Variants in PLXNC1 observed in about 807,000 individuals in gnomAD.
PLXNC1 encodes the protein plexin C1, also known as plexin-C1.
PLXNC1 carries 75 observed loss-of-function variants against 178.2 expected under a neutral mutation model. The observed-to-expected ratio is 0.42, with a 90% CI of 0.35 to 0.51. PLXNC1 has a LOEUF of 0.51. PLXNC1 is among the 20% of genes least tolerant of loss of function. The pLI is 0.02. For missense variants in PLXNC1, 1,503 were observed against 1,984.4 expected, an observed-to-expected ratio of 0.76 and a Z score of 4.61; for synonymous variants, 790 against 779.9, an observed-to-expected ratio of 1.01 and a Z score of -0.22.
At chr12:94,261,452 C>A (rs1964985603) in intron 20 of PLXNC1, among the ~76,000 whole-genome samples, 1 of 152,230 alleles carries the variant, frequency 6.6e-6, no homozygotes, top group African/African-American at 2.4e-5. Context: ...TCACCACTTA[C>A]TTGGTTTTAT....
At chr12:94,219,871 A>C in intron 5 of PLXNC1, 145 bp from the exon 6 acceptor site, 1 of 446,096 alleles carries the variant, frequency 2.2e-6, no homozygotes, top group South Asian at 6.6e-5. Flanking sequence ...TTGCTCTGTC[A>C]CCCAGAAACA....
chr12:94,203,840 A>G lies in PLXNC1; in HGVS notation c.1440-5750A>G, dbSNP rs76454565. Among the ~76,000 whole-genome samples the G allele has an allele frequency of 6.6e-5, 10 of 152,342 alleles. No individual in the cohort carries two copies. In the East Asian group the frequency reaches 1.5e-3, roughly 23 times the overall value. ...GCGTGTGTTGGGAATTTAATCCCCA[A>G]TGCAACTCTGTTGAAAGGTGGGACC... is the stretch of plus-strand genomic sequence containing the variant. On this transcript the variant is annotated intron_variant, in intron 4 of 30. Coordinates refer to ENST00000258526, the MANE Select transcript of PLXNC1 (RefSeq NM_005761.3).
chr12:94,269,714 A>G (rs1277453607), intron 21 of PLXNC1, among the ~76,000 whole-genome samples: 3 of 152,268 alleles, frequency 2.0e-5, no homozygotes, highest in Admixed American at 2.0e-4. Context: ...GTGGAGAAAC[A>G]GTGAAGTTAA....
At chr12:94,290,025 C>T (rs1276158521) in intron 23 of PLXNC1, among the ~76,000 whole-genome samples, 1 of 152,196 alleles carries the variant, frequency 6.6e-6, no homozygotes, top group Non-Finnish European at 1.5e-5. Context: ...CTTTTGGCAG[C>T]GTTCCTTATC....
intron 1 of PLXNC1, among the ~76,000 whole-genome samples, chr12:94,156,477 C>CTTTT (rs33995488): frequency 1.0e-4 from 14 of 140,184 alleles, no homozygotes; most frequent in African/African-American, 3.2e-4. Context: ...CACTGTCTAT[C>CTTTT]TTTTTTTTTT....
intron 21 of PLXNC1, among the ~76,000 whole-genome samples, chr12:94,275,547 C>T (rs556377092): frequency 1.6e-4 from 24 of 152,304 alleles, no homozygotes; most frequent in Admixed American, 1.0e-3. Flanking sequence ...CTTGACTGTA[C>T]TTACGCCTTA....
intron 22 of PLXNC1, chr12:94,281,893 C>G (rs1006720319): frequency 5.0e-6 from 1 of 200,710 alleles, no homozygotes; most frequent in Non-Finnish European, 1.0e-5. Flanking sequence ...CTGGGACCTT[C>G]GCACACTGAT....
chr12:94,150,049 G>T lies in PLXNC1; in HGVS notation c.1062+16G>T. The T allele has an allele frequency of 6.5e-7, 1 of 1,545,780 alleles. No individual in the cohort carries two copies. Among genetic ancestry groups the T allele is most frequent in the Non-Finnish European group, 8.7e-7 (1 of 1,149,824 alleles). On this transcript the variant is annotated intron_variant, in intron 1 of 30. Transcript: ENST00000258526. ...GAGCCACTGCGTAAGTCCTGCCCCC[G>T]GGGCGCCGCGGAGAGCGCTGCTGCC...
chr12:94,279,926 G>C (rs1030554113), intron 22 of PLXNC1: 2 of 572,338 alleles, frequency 3.5e-6, no homozygotes, highest in African/African-American at 3.7e-5. Context: ...TGAGATTGCA[G>C]GCCCTGAGAC....
chr12:94,232,309 G>A (rs997304346), intron 9 of PLXNC1, among the ~76,000 whole-genome samples: 1 of 152,074 alleles, frequency 6.6e-6, no homozygotes, highest in African/African-American at 2.4e-5. Flanking sequence ...GGATGGTCTC[G>A]AACTCCTGAC....
intron 4 of PLXNC1, among the ~76,000 whole-genome samples, chr12:94,200,144 C>G (rs1217698789): frequency 6.6e-6 from 1 of 152,186 alleles, no homozygotes; most frequent in African/African-American, 2.4e-5. Flanking sequence ...CGGACCTCAG[C>G]CTCCGTGCTA....
intron 5 of PLXNC1, among the ~76,000 whole-genome samples, chr12:94,212,273 C>CAAAAAAA (rs146191533): frequency 3.4e-5 from 3 of 89,156 alleles, no homozygotes; most frequent in African/African-American, 4.5e-5. Context: ...GACTCCGTCT[C>CAAAAAAA]AAAAAAAAAA....
At chr12:94,252,265 A>G (rs569958555) in intron 15 of PLXNC1, among the ~76,000 whole-genome samples, 5 of 152,040 alleles carry the variant, frequency 3.3e-5, no homozygotes, top group Non-Finnish European at 7.4e-5. Context: ...GCAGAACCAC[A>G]CTTTAGAAGT....
intron 30 of PLXNC1, 77 bp downstream of exon 30, chr12:94,304,128 G>C: frequency 1.1e-6 from 1 of 944,030 alleles, no homozygotes; most frequent in Non-Finnish European, 1.6e-6. Context: ...GTCAGTTTCA[G>C]AACAGCTCTG....
At chr12:94,263,924 A>C (rs960290072) in intron 20 of PLXNC1, among the ~76,000 whole-genome samples, 40 of 152,096 alleles carry the variant, frequency 2.6e-4, no homozygotes, top group African/African-American at 9.2e-4. Flanking sequence ...TGAGAGACTT[A>C]AGATGTCTTA....
intron 9 of PLXNC1, among the ~76,000 whole-genome samples, chr12:94,237,119 T>A (rs1218848814): frequency 6.6e-6 from 1 of 152,226 alleles, no homozygotes; most frequent in Non-Finnish European, 1.5e-5. Flanking sequence ...ATCCAACTAC[T>A]TGATAGTAGG....
intron 6 of PLXNC1, among the ~76,000 whole-genome samples, chr12:94,222,023 C>T (rs1963810314): frequency 6.6e-6 from 1 of 152,184 alleles, no homozygotes; most frequent in African/African-American, 2.4e-5. Flanking sequence ...GAGAAGTGAG[C>T]TTAAAAATGC....
chr12:94,197,790 C>T (rs1337435770), intron 4 of PLXNC1, among the ~76,000 whole-genome samples: 1 of 152,020 alleles, frequency 6.6e-6, no homozygotes, highest in Non-Finnish European at 1.5e-5. Flanking sequence ...TAGAGCAAAA[C>T]AAAGAGACAC....
At chr12:94,181,764 C>T (rs1413591844) in intron 3 of PLXNC1, among the ~76,000 whole-genome samples, 184 bp downstream of exon 3, 1 of 152,030 alleles carries the variant, frequency 6.6e-6, no homozygotes, top group Admixed American at 6.6e-5. Context: ...AGTAAGTAAG[C>T]AAGAAATATT....
Sources: allele counts gnomAD v4.1 joint callset (sites outside exome capture counted in the v4.1 genomes callset), GRCh38; gene constraint gnomAD v4.1.1; transcripts MANE v1.5; gene names NCBI Gene and HGNC (gene_info 2026-07-23, HGNC 2026-07-21).